The following BACE1 variants were observed in gnomAD, a reference collection of about 807,000 sequenced individuals.
The protein encoded by BACE1 is beta-secretase 1.
BACE1 carries 21 observed loss-of-function variants against 54.0 expected under a neutral mutation model. The ratio of observed to expected loss-of-function variants is 0.39; its 90% CI spans 0.28 to 0.56. The LOEUF (loss-of-function observed/expected upper bound fraction) is 0.56. Among genes scored for constraint, BACE1 ranks in the 20% least tolerant of loss-of-function variants. The pLI, the probability that BACE1 is intolerant of heterozygous loss-of-function variation, is 0.63. For missense variants in BACE1, 511 were observed against 661.2 expected (o/e 0.77, Z 2.49); for synonymous variants, 232 against 260.9 (o/e 0.89, Z 1.07).
chr11:117,292,093 AT>A (rs1031910644), intron 5 of BACE1: 2 of 198,474 alleles, frequency 1.0e-5, no homozygotes, highest in African/African-American at 4.6e-5. Context: ...CACTTGGTAA[AT>A]GTTTATTCTT....
In BACE1 at chr11:117,286,224, T is replaced by C. The variant is rs551469937; in HGVS notation, c.*3342A>G. 6.5e-6 allele frequency: 1 copy of C among 152,706 alleles called. No homozygotes were observed. The highest frequency in any genetic ancestry group is 1.9e-4 in the East Asian group (1 of 5,186). 9.5% of individuals were successfully genotyped at this position (152,706 alleles called of 1,614,324 possible). ...GGGAAAAATGGAGACCAAAGTGATA[T>C]TAAGAAAGTAGTTTGGATTTCAAAT... On this transcript the variant is annotated 3_prime_UTR_variant, in exon 9 of 9. Transcript: ENST00000313005.
At chr11:117,312,755 G>A (rs367983790) in intron 1 of BACE1, among the ~76,000 whole-genome samples, 5 of 152,256 alleles carry the variant, frequency 3.3e-5, no homozygotes, top group African/African-American at 1.2e-4. Flanking sequence ...GAGCCACCGC[G>A]TCCAGCCATA....
At chr11:117,297,836 C>G (rs1183849178) in intron 1 of BACE1, among the ~76,000 whole-genome samples, 1 of 152,206 alleles carries the variant, frequency 6.6e-6, no homozygotes, top group Non-Finnish European at 1.5e-5. Flanking sequence ...CAGAGAAAGC[C>G]AGGTTGCATC....
intron 1 of BACE1, among the ~76,000 whole-genome samples, chr11:117,299,203 CA>C (rs1207748516): frequency 6.6e-6 from 1 of 151,934 alleles, no homozygotes; most frequent in African/African-American, 2.4e-5. Flanking sequence ...TCCTCACAGG[CA>C]AAAAAAGGAA....
chr11:117,309,078 A>C (rs1169983262), intron 1 of BACE1, among the ~76,000 whole-genome samples: 1 of 152,088 alleles, frequency 6.6e-6, no homozygotes, highest in East Asian at 1.9e-4. Context: ...CTCTCACCCC[A>C]TACATCTCAT....
At chr11:117,290,802 A>G in intron 7 of BACE1, 98 bp downstream of exon 7, 2 of 1,554,600 alleles carry the variant, frequency 1.3e-6, no homozygotes, top group Non-Finnish European at 1.7e-6. Flanking sequence ...GACACTACTC[A>G]TCTGTTTTGT....
Position 117,315,889 on chromosome 11 carries a change from C to G in BACE1, c.-94G>C. On this transcript the variant is annotated 5_prime_UTR_variant, in exon 1 of 9. An upstream open reading frame in the 5' UTR loses its in-frame stop. Coordinates refer to ENST00000313005, the MANE Select transcript of BACE1 (RefSeq NM_012104.6). The surrounding 1 kb of genome is among the most constrained non-coding windows in gnomAD (Gnocchi z 5.5). Reference sequence around the variant, plus strand: ...AGTCTGGGTGGTGCTGGTGGCTTCTCAGGAGAGGGAGCTTGGGGGCATCAG... The same window carrying G: ...AGTCTGGGTGGTGCTGGTGGCTTCTGAGGAGAGGGAGCTTGGGGGCATCAG... The G allele has an allele frequency of 7.5e-7, 1 of 1,328,484 alleles. No individual in the cohort carries two copies. Among genetic ancestry groups the G allele is most frequent in the Non-Finnish European group, 9.7e-7 (1 of 1,035,198 alleles). 82.3% of individuals were successfully genotyped at this position (1,328,484 alleles called of 1,614,324 possible). A position where few individuals can be genotyped will look rare whatever the true frequency, so the allele number is the denominator to read the frequency against.
In BACE1 at chr11:117,315,695, A is replaced by G; in HGVS notation, c.101T>C (p.Leu34Pro). 1 of 1,512,464 alleles carries G rather than the reference A, an allele frequency of 6.6e-7. No homozygotes were observed. Among genetic ancestry groups the G allele is most frequent in the South Asian group, 1.2e-5 (1 of 80,344 alleles). 93.7% of individuals were successfully genotyped at this position (1,512,464 alleles called of 1,614,324 possible). ...CCGCAGCCCCAGGGGGGCGCCCCCC[A>G]GGCCGCTGCGCAGGGGCAGCCGGAT... ...HGIRLPLRSG[L>P]GGAPLGLRLP... is the part of the protein sequence containing the mutation. The change falls in exon 1 of 9, where the codon CTG becomes CCG. Residue 34 changes from leucine (L) to proline (P), a missense_variant. By Grantham distance (98) the Leu-to-Pro change is moderately conservative. This residue lies in a region of BACE1 where 104 missense variants were observed against 95.5 expected (regional missense o/e 1.09). Transcript: ENST00000313005. The surrounding 1 kb of genome is among the most constrained non-coding windows in gnomAD (Gnocchi z 5.5).
intron 1 of BACE1, among the ~76,000 whole-genome samples, chr11:117,308,455 CAAAGG>C (rs999762929): frequency 6.6e-6 from 1 of 152,154 alleles, no homozygotes; most frequent in Admixed American, 6.5e-5. Context: ...ACTAGCATCT[CAAAGG>C]CATGTCCCAG....
At chr11:117,314,239 T>C (rs749408042) in intron 1 of BACE1, among the ~76,000 whole-genome samples, 25 of 152,234 alleles carry the variant, frequency 1.6e-4, no homozygotes, top group Non-Finnish European at 3.4e-4. Context: ...ATTTGGCTTC[T>C]GTCCTGCCCT....
rs767453432 is a variant in BACE1 at position 117,295,254 on chromosome 11, G to T, written c.444C>A (p.Ile148=). 1.6e-5 allele frequency: 26 copies of T among 1,614,230 alleles called. No homozygotes were observed. The South Asian group carries it at 2.0e-4, about 12-fold the overall frequency. Reference sequence around the variant, plus strand: ...GCACAGTGACGTTGGGGCCATGGGGGATGCTTACCAGGTCGGTGCCCAGCT... The same window carrying T: ...GCACAGTGACGTTGGGGCCATGGGGTATGCTTACCAGGTCGGTGCCCAGCT... ...EGELGTDLVS[I]PHGPNVTVRA... Residue 148 remains isoleucine (I), a synonymous_variant, in exon 3 of 9, where the codon ATC becomes ATA. Transcript: ENST00000313005.
chr11:117,305,279 CA>C (rs2034806180), intron 1 of BACE1, among the ~76,000 whole-genome samples: 1 of 152,024 alleles, frequency 6.6e-6, no homozygotes, highest in African/African-American at 2.4e-5. Flanking sequence ...GAAAAGGGGG[CA>C]AGGAAGGACA....
Position 117,315,639 on chromosome 11 carries a change from C to T in BACE1, c.157G>A (p.Glu53Lys). The T allele has an allele frequency of 6.3e-7, 1 of 1,583,026 alleles. No individual in the cohort carries two copies. Among genetic ancestry groups the T allele is most frequent in the East Asian group, 2.4e-5 (1 of 40,948 alleles). Reference protein sequence around the residue: ...LPRETDEEPEEPGRRGSFVEM... With the variant: ...LPRETDEEPEKPGRRGSFVEM... ...ACAAAGCTGCCCCTCCGGCCGGGCTCCTCGGGCTCTTCGTCGGTCTCCCGG... is the reference window on the plus strand; with the variant it reads ...ACAAAGCTGCCCCTCCGGCCGGGCTTCTCGGGCTCTTCGTCGGTCTCCCGG... The change falls in exon 1 of 9, where the codon GAG (glutamate) becomes AAG (lysine). Residue 53 changes from glutamate (E) to lysine (K), a missense_variant. This residue lies in a region of BACE1 where 104 missense variants were observed against 95.5 expected (regional missense o/e 1.09). Transcript: ENST00000313005. This position sits in a 1 kb window ranked among gnomAD's most constrained non-coding sequence, Gnocchi z 5.5.
Position 117,291,731 on chromosome 11 carries a change from G to A in BACE1, c.923C>T (p.Ser308Phe). The A allele has an allele frequency of 1.2e-6, 2 of 1,613,102 alleles. No individual in the cohort carries two copies. Among genetic ancestry groups the A allele is most frequent in the Non-Finnish European group, 1.7e-6 (2 of 1,179,178 alleles). Residue 308 changes from serine to phenylalanine, a missense_variant, in exon 6 of 9, where the codon TCC becomes TTC. By Grantham distance (155) the Ser-to-Phe change is radical. Around this residue, in one of 2 missense-constraint regions of BACE1, gnomAD observed 407 missense variants for 565.7 expected, o/e 0.72. Coordinates refer to ENST00000313005, the MANE Select transcript of BACE1 (RefSeq NM_012104.6). ...PKKVFEAAVK[S>F]IKAASSTEKF... Reference sequence around the variant, plus strand: ...ACTCACGGAGGAGGCTGCCTTGATGGATTTGACTGCAGCTTCAAACACTTT... The same window carrying A: ...ACTCACGGAGGAGGCTGCCTTGATGAATTTGACTGCAGCTTCAAACACTTT...
Position 117,315,419 on chromosome 11 carries a change from G to A in BACE1, c.261+116C>T, listed in dbSNP as rs550445438. 167 of 1,365,208 alleles carry A rather than the reference G, an allele frequency of 1.2e-4. No homozygotes were observed. The highest frequency in any genetic ancestry group is 9.7e-4 in the Middle Eastern group (5 of 5,170). The allele number at this position is 1,365,208 out of a possible 1,614,324, so 84.6% of individuals were successfully genotyped here. ...ACCCCCGGGGAATGGCTGGGGAGGGGTCCCTCCTGCTGTCCCCACCAGCCC... is the reference window on the plus strand; with the variant it reads ...ACCCCCGGGGAATGGCTGGGGAGGGATCCCTCCTGCTGTCCCCACCAGCCC... On this transcript the variant is annotated intron_variant, in intron 1 of 8. Transcript: ENST00000313005. The surrounding 1 kb of genome is among the most constrained non-coding windows in gnomAD (Gnocchi z 5.5).
chr11:117,313,158 G>A (rs2034991619), intron 1 of BACE1, among the ~76,000 whole-genome samples: 1 of 152,214 alleles, frequency 6.6e-6, no homozygotes, highest in Non-Finnish European at 1.5e-5. Flanking sequence ...CAGACAGATG[G>A]GGAGAGAGTC....
chr11:117,300,528 A>G (rs1455685319), intron 1 of BACE1, among the ~76,000 whole-genome samples: 1 of 152,130 alleles, frequency 6.6e-6, no homozygotes, highest in Non-Finnish European at 1.5e-5. Context: ...ATTATGAAAC[A>G]GGGCAGTTCA....
rs897224117 is a variant in BACE1 at position 117,286,854 on chromosome 11, C to G, written c.*2712G>C. The G allele has an allele frequency of 1.3e-5, 2 of 152,614 alleles. No homozygotes were observed. The highest frequency in any genetic ancestry group is 2.9e-5 in the Non-Finnish European group (2 of 68,056). 9.5% of individuals were successfully genotyped at this position (152,614 alleles called of 1,614,324 possible). ...TTTGGTTAATGAAATGTTACTGTCT[C>G]CAGGTTAGTAGCTGTCATGAACAGG... On this transcript the variant is annotated 3_prime_UTR_variant, in exon 9 of 9. Coordinates refer to ENST00000313005, the MANE Select transcript of BACE1 (RefSeq NM_012104.6).
chr11:117,315,437 A>C lies in BACE1; in HGVS notation c.261+98T>G. On this transcript the variant is annotated intron_variant, in intron 1 of 8. Coordinates refer to ENST00000313005, the MANE Select transcript of BACE1 (RefSeq NM_012104.6). The surrounding 1 kb of genome is among the most constrained non-coding windows in gnomAD (Gnocchi z 5.5). ...GGGAGGGGTCCCTCCTGCTGTCCCC[A>C]CCAGCCCATTTGAGCAGGGGCTAGC... 6.8e-7 allele frequency: 1 copy of C among 1,468,666 alleles called. No homozygotes were observed. The highest frequency in any genetic ancestry group is 1.4e-5 in the South Asian group (1 of 73,878). The allele number at this position is 1,468,666 out of a possible 1,614,324, so 91.0% of individuals were successfully genotyped here. A position where few individuals can be genotyped will look rare whatever the true frequency, so the allele number is the denominator to read the frequency against.
Sources: gnomAD v4.1 joint callset for allele counts (sites outside exome capture counted in the v4.1 genomes callset) on GRCh38, gnomAD v4.1.1 for gene constraint, gnomAD v4.1.1 regional missense constraint, Gnocchi (gnomAD v3.1) non-coding constraint, MANE v1.5 for transcripts, NCBI Gene and HGNC (gene_info 2026-07-23, HGNC 2026-07-21) for gene names.